PLCB1: variants seen among roughly 807,000 people sequenced by gnomAD.
The protein encoded by PLCB1 is phospholipase C beta 1.
In PLCB1, 46 loss-of-function variants were observed where a neutral mutation model predicts 161.8. That is an observed-to-expected ratio of 0.28 (90% CI 0.22 to 0.36). The LOEUF (loss-of-function observed/expected upper bound fraction) is 0.36, where lower values mean the gene tolerates loss of function less well. PLCB1 is among the 10% of genes least tolerant of loss of function. The pLI is 1.00. For synonymous variants in PLCB1, 517 were observed against 503.7 expected (o/e 1.03, Z -0.35); for missense variants, 1,016 against 1,472.5 (o/e 0.69, Z 5.07).
chr20:8,450,103 G>C (rs939719693), intron 3 of PLCB1, among the ~76,000 whole-genome samples: 1 of 152,144 alleles, frequency 6.6e-6, no homozygotes, highest in Non-Finnish European at 1.5e-5. Context: ...TCTTCAGAAA[G>C]CCTAATGATT....
At chr20:8,825,353 C>T (rs574114434) in intron 31 of PLCB1, among the ~76,000 whole-genome samples, 1 of 152,308 alleles carries the variant, frequency 6.6e-6, no homozygotes, top group African/African-American at 2.4e-5. Flanking sequence ...GGCAGAACAT[C>T]TTGGAGCAAG....
intron 31 of PLCB1, among the ~76,000 whole-genome samples, chr20:8,795,743 T>C (rs1412134065): frequency 6.6e-6 from 1 of 151,886 alleles, no homozygotes; most frequent in Admixed American, 6.6e-5. Flanking sequence ...GGTGTGGTGG[T>C]GGGCGCTGGT....
intron 3 of PLCB1, among the ~76,000 whole-genome samples, chr20:8,506,920 G>A (rs535716926): frequency 3.9e-5 from 6 of 152,172 alleles, no homozygotes; most frequent in African/African-American, 7.2e-5. Flanking sequence ...ACAAAATAGA[G>A]GTGAGGAGAG....
intron 31 of PLCB1, among the ~76,000 whole-genome samples, chr20:8,879,799 G>A (rs1987907468): frequency 6.6e-6 from 1 of 152,298 alleles, no homozygotes; most frequent in African/African-American, 2.4e-5. Context: ...GACTCAGGAA[G>A]ACAGATGTCC....
At chr20:8,220,211 A>G (rs1028520282) in intron 2 of PLCB1, among the ~76,000 whole-genome samples, 2 of 152,178 alleles carry the variant, frequency 1.3e-5, no homozygotes, top group African/African-American at 4.8e-5. Context: ...CAGGTTATGT[A>G]TAACATTTTT....
chr20:8,676,274 T>G (rs1042562435), intron 9 of PLCB1, among the ~76,000 whole-genome samples: 3 of 152,018 alleles, frequency 2.0e-5, no homozygotes, highest in Non-Finnish European at 2.9e-5. Flanking sequence ...GGCAGGGGAA[T>G]CACTTGAACC....
chr20:8,414,484 T>C (rs1979185018), intron 3 of PLCB1, among the ~76,000 whole-genome samples: 1 of 152,180 alleles, frequency 6.6e-6, no homozygotes, highest in African/African-American at 2.4e-5. Context: ...CCTCCCTTTC[T>C]GAATCCTGTA....
At chr20:8,267,970 T>TATTATTATG in intron 2 of PLCB1, among the ~76,000 whole-genome samples, 3 of 151,484 alleles carry the variant, frequency 2.0e-5, no homozygotes, top group Middle Eastern at 6.8e-3. Flanking sequence ...TTATTATTAT[T>TATTATTATG]ATTATTATTA....
chr20:8,731,500 A>G (rs895169538), intron 18 of PLCB1, among the ~76,000 whole-genome samples: 5 of 151,934 alleles, frequency 3.3e-5, no homozygotes, highest in African/African-American at 1.2e-4. Context: ...GATATCATCA[A>G]GTCAGATATT....
chr20:8,557,833 A>G (rs1376702248), intron 3 of PLCB1, among the ~76,000 whole-genome samples: 2 of 151,970 alleles, frequency 1.3e-5, no homozygotes, highest in Admixed American at 6.6e-5. Context: ...TGGAGTTACC[A>G]CATAATAATA....
chr20:8,758,436 G>A (rs1981851208), intron 24 of PLCB1, among the ~76,000 whole-genome samples: 1 of 151,908 alleles, frequency 6.6e-6, no homozygotes, highest in Admixed American at 6.6e-5. Flanking sequence ...ACATAAGTTA[G>A]CCTGGCATGG....
At position 8,858,912 on chromosome 20, in the gene PLCB1, C is replaced by CAAAA. The variant is rs11482207; in HGVS notation, c.3424-22693_3424-22690dup. On this transcript the variant is annotated intron_variant, in intron 31 of 31. Transcript: ENST00000338037. ...CTCAAACTCTGGCAATTTGAGTGTG[C>CAAAA]AAAAAAAAAAAAAAAAAAAATTAGA... 6.5e-4 allele frequency among the ~76,000 whole-genome samples: 73 copies of CAAAA among 111,460 alleles called. 2 individuals carry two copies. The highest frequency in any genetic ancestry group is 4.7e-3 in the Middle Eastern group (1 of 214). The allele number at this position is 111,460 out of a possible 152,430, so 73.1% of individuals were successfully genotyped here. A position where few individuals can be genotyped will look rare whatever the true frequency, so the allele number is the denominator to read the frequency against.
intron 3 of PLCB1, among the ~76,000 whole-genome samples, chr20:8,436,836 C>A (rs1302201116): frequency 6.6e-6 from 1 of 152,136 alleles, no homozygotes; most frequent in Non-Finnish European, 1.5e-5. Context: ...GTTGCCCAGG[C>A]TGGAGTGCAG....
chr20:8,530,292 G>C (rs1052020906), intron 3 of PLCB1, among the ~76,000 whole-genome samples: 30 of 152,042 alleles, frequency 2.0e-4, no homozygotes, highest in African/African-American at 7.2e-4. Context: ...ATTGGATGCA[G>C]CATTCCCTAA....
intron 2 of PLCB1, among the ~76,000 whole-genome samples, chr20:8,244,357 TAAAC>T (rs1980769562): frequency 1.3e-5 from 2 of 151,926 alleles, no homozygotes; most frequent in African/African-American, 4.8e-5. Context: ...ATTGGATAGA[TAAAC>T]AAATTGTAGT....
intron 2 of PLCB1, among the ~76,000 whole-genome samples, chr20:8,232,166 C>T (rs979055213): frequency 2.1e-4 from 32 of 151,436 alleles, no homozygotes; most frequent in African/African-American, 7.5e-4. Flanking sequence ...ATCATGGTGC[C>T]CGTGAAAAGC....
At chr20:8,303,693 C>A (rs1007184495) in intron 2 of PLCB1, among the ~76,000 whole-genome samples, 1 of 152,188 alleles carries the variant, frequency 6.6e-6, no homozygotes, top group Non-Finnish European at 1.5e-5. Context: ...GCAGGCACTT[C>A]CAGGTGGCTG....
intron 12 of PLCB1, among the ~76,000 whole-genome samples, chr20:8,711,263 A>G (rs1330730576): frequency 2.0e-5 from 3 of 152,208 alleles, no homozygotes; most frequent in African/African-American, 7.2e-5. Context: ...AAATTCAGAC[A>G]ACGAGAGCAT....
chr20:8,195,367 A>G (rs1340297819), intron 2 of PLCB1, among the ~76,000 whole-genome samples: 1 of 152,050 alleles, frequency 6.6e-6, no homozygotes, highest in Non-Finnish European at 1.5e-5. Context: ...GCATGGGGGC[A>G]GAGCCCTCAT....
Sources: allele counts gnomAD v4.1 joint callset (sites outside exome capture counted in the v4.1 genomes callset), GRCh38; gene constraint gnomAD v4.1.1; transcripts MANE v1.5; gene names NCBI Gene and HGNC (gene_info 2026-07-23, HGNC 2026-07-21).